Variants in ZXDC observed in about 807,000 individuals in gnomAD.
ZXDC encodes the protein zinc finger protein ZXDC.
In ZXDC, 58 loss-of-function variants were observed where a neutral mutation model predicts 63.6. The observed-to-expected ratio is 0.91, with a 90% CI of 0.74 to 1.13. The LOEUF is 1.13. Ranked by LOEUF, ZXDC falls within the 50% of genes most tolerant of loss-of-function variation. ZXDC has a pLI of 0.00. For synonymous variants in ZXDC, 561 were observed against 496.1 expected, an observed-to-expected ratio of 1.13 and a Z score of -1.74; for missense variants, 1,133 against 1,148.9, an observed-to-expected ratio of 0.99 and a Z score of 0.20.
At position 126,441,795 on chromosome 3, in the gene ZXDC, C is replaced by T; in HGVS notation, c.2364G>A (p.Gly788=). ...CCAGCTGGACCTGGACGCCCTGCGCCCCGCACTGCACCCCAGCTGCTGGAG... is the reference window on the plus strand; with the variant it reads ...CCAGCTGGACCTGGACGCCCTGCGCTCCGCACTGCACCCCAGCTGCTGGAG... ...GPAPAAGVQC[G]AQGVQVQLVQ... Residue 788 remains glycine, a synonymous_variant, in exon 8 of 10, where the codon GGG becomes GGA. Coordinates refer to ENST00000389709, the MANE Select transcript of ZXDC (RefSeq NM_025112.5). 6.2e-7 allele frequency: 1 copy of T among 1,610,796 alleles called. No individual in the cohort carries two copies. Among genetic ancestry groups the T allele is most frequent in the Non-Finnish European group, 8.5e-7 (1 of 1,178,986 alleles).
intron 7 of ZXDC, chr3:126,459,442 G>C (rs1934434753): frequency 1.0e-6 from 1 of 985,298 alleles, no homozygotes; most frequent in Non-Finnish European, 1.2e-6. Flanking sequence ...GCTTGTTTAG[G>C]CAAATAAAAT....
chr3:126,466,468 G>C lies in ZXDC; in HGVS notation c.1271-143C>G, dbSNP rs1222436741. On this transcript the variant is annotated intron_variant, in intron 4 of 9. Coordinates refer to ENST00000389709, the MANE Select transcript of ZXDC (RefSeq NM_025112.5). ...CAAGGACAGAGACCAAATATCTCTA[G>C]AAGTAGCATCACAAGCAATTCAAGT... 4.7e-6 allele frequency: 4 copies of C among 845,544 alleles called. No homozygotes were observed. In the East Asian group the frequency reaches 1.1e-4, roughly 23 times the overall value. 52.4% of individuals were successfully genotyped at this position (845,544 alleles called of 1,614,324 possible).
rs1386891921 is a variant in ZXDC at position 126,438,450 on chromosome 3, G to A, written c.2502C>T (p.Pro834=). Residue 834 remains proline, a synonymous_variant, in exon 10 of 10, where the codon CCC becomes CCT. Transcript: ENST00000389709. ...LPVYVLQEVL[P]SSGGPAGPEA... ...CCGGTCCAGCAGGGCCTCCAGATGA[G>A]GGGAGCACCTCCTGCAAAACCAAGC... The A allele has an allele frequency of 6.2e-7, 1 of 1,613,510 alleles. No homozygotes were observed. Among genetic ancestry groups the A allele is most frequent in the African/African-American group, 1.3e-5 (1 of 74,912 alleles).
chr3:126,444,746 T>C (rs1040764551), intron 7 of ZXDC, among the ~76,000 whole-genome samples: 3 of 152,210 alleles, frequency 2.0e-5, no homozygotes, highest in Non-Finnish European at 2.9e-5. Context: ...CTAAGTTACC[T>C]ACAAAGCAAG....
chr3:126,452,238 T>C (rs531149116), intron 7 of ZXDC: 23 of 985,450 alleles, frequency 2.3e-5, no homozygotes, highest in Middle Eastern at 5.2e-4. Context: ...AAATCCTCTA[T>C]GTCATTTTCC....
chr3:126,454,721 C>T (rs1934242531), intron 7 of ZXDC: 1 of 985,318 alleles, frequency 1.0e-6, no homozygotes, highest in Non-Finnish European at 1.2e-6. Context: ...CCCTTCTCTG[C>T]CCTTAGACAG....
chr3:126,449,437 G>T (rs78932835), intron 7 of ZXDC, among the ~76,000 whole-genome samples: 2,521 of 152,180 alleles, frequency 0.017, 74 homozygotes, highest in South Asian at 0.13. Flanking sequence ...ACCCTACAAA[G>T]CCAGGTCCCA....
At position 126,450,209 on chromosome 3, in the gene ZXDC, C is replaced by T. The variant is rs113325470; in HGVS notation, c.2213-8263G>A. On this transcript the variant is annotated intron_variant, in intron 7 of 9. Coordinates refer to ENST00000389709, the MANE Select transcript of ZXDC (RefSeq NM_025112.5). Reference sequence around the variant, plus strand: ...CCACAGCTGCTCACAGGCAACTGCACCTTGCTCACCCTTTACCTGCCAGGG... The same window carrying T: ...CCACAGCTGCTCACAGGCAACTGCATCTTGCTCACCCTTTACCTGCCAGGG... 3.3e-5 allele frequency: 13 copies of T among 398,358 alleles called. 1 individual carries two copies. Among genetic ancestry groups the T allele is most frequent in the African/African-American group, 1.6e-4 (8 of 48,622 alleles). The allele number at this position is 398,358 out of a possible 1,614,324, so 24.7% of individuals were successfully genotyped here. A position where few individuals can be genotyped will look rare whatever the true frequency, so the allele number is the denominator to read the frequency against.
At chr3:126,445,452 T>C (rs1048640779) in intron 7 of ZXDC, among the ~76,000 whole-genome samples, 1 of 152,090 alleles carries the variant, frequency 6.6e-6, no homozygotes, top group Non-Finnish European at 1.5e-5. Flanking sequence ...GGTATTATTC[T>C]ACAGGATGCT....
In ZXDC at chr3:126,467,722, C is replaced by T. The variant is rs77954764; in HGVS notation, c.1271-1397G>A. Among the ~76,000 whole-genome samples the T allele has an allele frequency of 2.1e-3, 314 of 152,296 alleles. 3 individuals carry two copies. In the East Asian group the frequency reaches 0.027, roughly 13 times the overall value. ...ACGGCCCAGGACTGCCCTGCAAGCG[C>T]GCAGTTTCCTCTGCATGCCCTGCTC... On this transcript the variant is annotated intron_variant, in intron 4 of 9. Coordinates refer to ENST00000389709, the MANE Select transcript of ZXDC (RefSeq NM_025112.5).
intron 7 of ZXDC, chr3:126,454,051 CAT>C (rs201861374): frequency 6.5e-5 from 45 of 697,612 alleles, no homozygotes; most frequent in African/African-American, 1.2e-4. Flanking sequence ...TAGTACTACA[CAT>C]ATATATATAT....
intron 9 of ZXDC, 41 bp from the exon 10 acceptor site, chr3:126,438,502 G>C (rs868608967): frequency 2.6e-6 from 4 of 1,566,386 alleles, no homozygotes; most frequent in Non-Finnish European, 2.6e-6. Context: ...AGGAGGGAGG[G>C]GAGGCAGAGG....
intron 8 of ZXDC, chr3:126,441,253 C>T: frequency 9.1e-6 from 9 of 986,086 alleles, no homozygotes; most frequent in Non-Finnish European, 1.1e-5. Flanking sequence ...CCTGGAGGGG[C>T]TCTGTTTCGT....
rs1934960333 is a variant in ZXDC, at chr3:126,471,020, T to C, written c.1145A>G (p.His382Arg). Residue 382 changes from histidine (H) to arginine (R), a missense_variant, in exon 4 of 10, where the codon CAT becomes CGT. Transcript: ENST00000389709. ...MSKLLRHRRK[H>R]DDDRRFTCPV... Reference sequence around the variant, plus strand: ...GCAGGTAAACCTCCGGTCATCGTCATGTTTCCTGCCAGACAGAAAAATAAA... The same window carrying C: ...GCAGGTAAACCTCCGGTCATCGTCACGTTTCCTGCCAGACAGAAAAATAAA... The C allele has an allele frequency of 1.9e-6, 3 of 1,613,944 alleles. No individual in the cohort carries two copies. Among genetic ancestry groups the C allele is most frequent in the Admixed American group, 1.7e-5 (1 of 59,996 alleles).
At chr3:126,469,903 G>A (rs567978211) in intron 4 of ZXDC, among the ~76,000 whole-genome samples, 4 of 152,334 alleles carry the variant, frequency 2.6e-5, no homozygotes, top group African/African-American at 9.6e-5. Flanking sequence ...GCTAGGCTCA[G>A]CTTTAAATGG....
At chr3:126,468,348 C>T (rs1934856592) in intron 4 of ZXDC, among the ~76,000 whole-genome samples, 3 of 152,088 alleles carry the variant, frequency 2.0e-5, no homozygotes, top group Non-Finnish European at 2.9e-5. Context: ...TTGCCTTCTA[C>T]TTTTTATTAC....
At chr3:126,445,731 G>A (rs1933859369) in intron 7 of ZXDC, among the ~76,000 whole-genome samples, 1 of 152,094 alleles carries the variant, frequency 6.6e-6, no homozygotes, top group Non-Finnish European at 1.5e-5. Context: ...CAGGCCAACA[G>A]CTGTGAGAGA....
chr3:126,461,719 T>C lies in ZXDC; in HGVS notation c.1943A>G (p.Glu648Gly). 1.2e-6 allele frequency: 2 copies of C among 1,613,874 alleles called. No individual in the cohort carries two copies. The highest frequency in any genetic ancestry group is 1.7e-5 in the Admixed American group (1 of 59,988). ...TTPTSSSTPRENASVPELLAP... is the reference protein window; with the variant it reads ...TTPTSSSTPRGNASVPELLAP... ...CAGCAGTTCCGGGACACTGGCATTT[T>C]CTCGGGGGGTGCTCGAAGAGGTCGG... The change falls in exon 6 of 10, where the codon GAA becomes GGA. Residue 648 changes from glutamate to glycine, a missense_variant. Physicochemically the swap from Glu to Gly is moderately conservative, Grantham distance 98. Transcript: ENST00000389709.
intron 7 of ZXDC, among the ~76,000 whole-genome samples, chr3:126,445,449 T>C (rs55801946): frequency 0.023 from 3,514 of 152,078 alleles, 134 homozygotes; most frequent in African/African-American, 0.079. Context: ...GTCGGTATTA[T>C]TCTACAGGAT....
Sources: gnomAD v4.1 joint callset for allele counts (sites outside exome capture counted in the v4.1 genomes callset) on GRCh38, gnomAD v4.1.1 for gene constraint, MANE v1.5 for transcripts, NCBI Gene and HGNC (gene_info 2026-07-23, HGNC 2026-07-21) for gene names.